Variants in TENM1 observed in about 807,000 individuals in gnomAD.
The protein encoded by TENM1 is teneurin-1.
Under a neutral mutation model 174.8 loss-of-function variants are expected in TENM1, and 35 were observed. That is an observed-to-expected ratio of 0.20 (90% confidence interval 0.15 to 0.27). TENM1 has a LOEUF of 0.27. Ranked by LOEUF, TENM1 falls within the 10% of genes least tolerant of loss-of-function variation. The pLI is 1.00. For synonymous variants in TENM1, 781 were observed against 798.7 expected (o/e 0.98, Z 0.37); for missense variants, 1,633 against 2,130.1 (o/e 0.77, Z 4.59).
At chrX:125,168,322 CTG>C in the TENM1 span, among the ~76,000 whole-genome samples, 1 of 111,535 alleles carries the variant, frequency 9.0e-6, no homozygotes, top group Non-Finnish European at 1.9e-5. Context: ...CCCTTTTGCT[CTG>C]TGTTTCCTCA....
intron 3 of TENM1, among the ~76,000 whole-genome samples, chrX:124,782,687 T>G (rs910766470): frequency 9.1e-6 from 1 of 110,245 alleles, no homozygotes; most frequent in African/African-American, 3.3e-5. Flanking sequence ...GCCACTCCCA[T>G]AACACATTTA....
intron 3 of TENM1, among the ~76,000 whole-genome samples, chrX:124,813,823 T>C (rs1006880721): frequency 8.1e-5 from 9 of 110,822 alleles, no homozygotes; most frequent in African/African-American, 2.9e-4. Context: ...GGTTGAACTA[T>C]AAAAAAATGC....
intron 1 of TENM1, among the ~76,000 whole-genome samples, chrX:124,948,012 T>A (rs916168213): frequency 1.1e-4 from 12 of 112,037 alleles, no homozygotes; most frequent in Admixed American, 7.6e-4. Flanking sequence ...AACTACAACA[T>A]CAATAGAATC....
rs780776487 is a variant in TENM1, at chrX:124,385,728, T to C, written c.6025A>G (p.Ile2009Val). ...ATGAATCCGTCATGCATCAGGTGTA[T>C]TGTCTTAATCACTCCAGAAGACTCT... The change falls in exon 29 of 32, where the codon ATA becomes GTA. Residue 2009 changes from isoleucine to valine, a missense_variant. Ile to Val is a conservative substitution (Grantham distance 29, BLOSUM62 3). Transcript: ENST00000422452. The C allele has an allele frequency of 5.2e-5, 63 of 1,205,705 alleles. No individual in the cohort carries two copies. The South Asian group carries it at 1.0e-3, about 20-fold the overall frequency.
chrX:124,506,625 G>T (rs16305), intron 18 of TENM1, among the ~76,000 whole-genome samples: 1 of 110,334 alleles, frequency 9.1e-6, no homozygotes, highest in Non-Finnish European at 1.9e-5. Flanking sequence ...CTTTAATGAG[G>T]ATAGCTGTGT....
rs756908405 is a variant in TENM1, at chrX:124,387,619, TA to T, written c.5689-1556del. ...ATATGTAATGTACATTTATATCTTC[TA>T]AATATGACATTACATTCTAATATTG... On this transcript the variant is annotated intron_variant, in intron 28 of 31. Transcript: ENST00000422452. Among the ~76,000 whole-genome samples, 4 of 112,796 alleles carry T rather than the reference TA, an allele frequency of 3.5e-5. No homozygotes were observed. In the South Asian group the frequency reaches 1.5e-3, roughly 41 times the overall value.
At chrX:125,098,953 T>A in the TENM1 span, among the ~76,000 whole-genome samples, 10 of 112,172 alleles carry the variant, frequency 8.9e-5, 1 homozygote, top group African/African-American at 3.2e-4. Context: ...ACCAAAGGAC[T>A]TCCCATTTAA....
chrX:125,140,644 T>G, the TENM1 span, among the ~76,000 whole-genome samples: 1 of 112,424 alleles, frequency 8.9e-6, no homozygotes, highest in East Asian at 2.8e-4. Context: ...CTTGAGGTTA[T>G]GGATATCCTA....
the TENM1 span, among the ~76,000 whole-genome samples, chrX:125,180,023 G>A: frequency 3.1e-5 from 3 of 95,847 alleles, no homozygotes; most frequent in Admixed American, 1.2e-4. Flanking sequence ...GATTACTGAC[G>A]TCTTTCTCTA....
At chrX:124,667,990 T>C (rs927357396) in intron 6 of TENM1, among the ~76,000 whole-genome samples, 2 of 111,696 alleles carry the variant, frequency 1.8e-5, no homozygotes, top group African/African-American at 6.5e-5. Context: ...GTGGTTTTGA[T>C]TTGCATTTCT....
At position 124,451,610 on chromosome X, in the gene TENM1, G is replaced by A. The variant is rs745766992; in HGVS notation, c.4104+1727C>T. Among the ~76,000 whole-genome samples the A allele has an allele frequency of 3.6e-5, 4 of 111,931 alleles. No homozygotes were observed. The East Asian group carries it at 8.4e-4, about 23-fold the overall frequency. On this transcript the variant is annotated intron_variant, in intron 23 of 31. Coordinates refer to ENST00000422452, the Ensembl canonical transcript of TENM1. The stretch of plus-strand genomic sequence containing the variant: ...CAAAGCTGGAGGCATCACGCTACCT[G>A]ACTTCAAACTATACTACAAGGCTTC...
intron 6 of TENM1, among the ~76,000 whole-genome samples, chrX:124,655,700 A>G (rs183357414): frequency 5.3e-5 from 6 of 112,717 alleles, no homozygotes; most frequent in Admixed American, 2.8e-4. Context: ...AACTATTTTA[A>G]GAATGTTCAC....
At chrX:124,666,994 C>T (rs1193438493) in intron 6 of TENM1, among the ~76,000 whole-genome samples, 1 of 111,813 alleles carries the variant, frequency 8.9e-6, no homozygotes, top group African/African-American at 3.3e-5. Flanking sequence ...TTAGTTTATC[C>T]TATACTATTA....
At chrX:124,533,616 A>G (rs1219030386) in intron 15 of TENM1, among the ~76,000 whole-genome samples, 1 of 111,724 alleles carries the variant, frequency 9.0e-6, no homozygotes, top group African/African-American at 3.3e-5. Context: ...TGCCACATCA[A>G]AACTACCTTC....
At chrX:124,434,443 A>G (rs1370004653) in intron 23 of TENM1, among the ~76,000 whole-genome samples, 1 of 112,183 alleles carries the variant, frequency 8.9e-6, no homozygotes, top group Non-Finnish European at 1.9e-5. Context: ...TAGAGACCCA[A>G]TGCCTGATGG....
intron 1 of TENM1, among the ~76,000 whole-genome samples, chrX:124,912,182 A>T (rs1378305735): frequency 1.8e-5 from 2 of 111,510 alleles, no homozygotes; most frequent in African/African-American, 6.5e-5. Flanking sequence ...GTTCCTCCAG[A>T]GGGTCAGCAA....
intron 3 of TENM1, among the ~76,000 whole-genome samples, chrX:124,796,578 C>T (rs1312973729): frequency 9.0e-6 from 1 of 111,616 alleles, no homozygotes; most frequent in Non-Finnish European, 1.9e-5. Flanking sequence ...AAATCAAGTA[C>T]CTTGAGTACG....
the TENM1 span, among the ~76,000 whole-genome samples, chrX:125,112,134 T>TTGTG: frequency 7.2e-3 from 666 of 92,688 alleles, 7 homozygotes; most frequent in East Asian, 0.031. Context: ...TTTAATGAAA[T>TTGTG]TGTGTGTGTG....
intron 4 of TENM1, among the ~76,000 whole-genome samples, chrX:124,710,229 C>G (rs1238516957): frequency 9.0e-6 from 1 of 110,855 alleles, no homozygotes; most frequent in Non-Finnish European, 1.9e-5. Flanking sequence ...CCTACCTCCC[C>G]ACTCCTGCCC....
Sources: allele counts gnomAD v4.1 joint callset (sites outside exome capture counted in the v4.1 genomes callset), GRCh38; gene constraint gnomAD v4.1.1; transcripts MANE v1.5; gene names NCBI Gene and HGNC (gene_info 2026-07-23, HGNC 2026-07-21).